Variants in ABCC9 observed in about 807,000 individuals in gnomAD.
The protein encoded by ABCC9 is ATP-binding cassette sub-family C member 9.
ABCC9 carries 95 observed loss-of-function variants against 188.3 expected under a neutral mutation model. That is an observed-to-expected ratio of 0.50 (90% CI 0.43 to 0.60). The LOEUF is 0.60. Ranked by LOEUF, ABCC9 falls within the 20% of genes least tolerant of loss-of-function variation. The pLI is 0.00. For missense variants in ABCC9, 1,102 were observed against 1,876.3 expected, an observed-to-expected ratio of 0.59 and a Z score of 7.62; for synonymous variants, 659 against 652.7, an observed-to-expected ratio of 1.01 and a Z score of -0.15.
At chr12:21,871,170 C>G (rs1946053266) in intron 18 of ABCC9, among the ~76,000 whole-genome samples, 1 of 152,208 alleles carries the variant, frequency 6.6e-6, no homozygotes, top group African/African-American at 2.4e-5. Context: ...GTAATTAAAT[C>G]CAGTGGGATC....
chr12:21,859,541 G>T (rs1200153469), intron 22 of ABCC9, 45 bp downstream of exon 22: 1 of 1,564,718 alleles, frequency 6.4e-7, no homozygotes. Context: ...CATTTGTCCA[G>T]ATGGAAGAAT....
At chr12:21,836,519 G>C (rs1245647968) in intron 30 of ABCC9, among the ~76,000 whole-genome samples, 1 of 152,084 alleles carries the variant, frequency 6.6e-6, no homozygotes, top group East Asian at 1.9e-4. Context: ...CTCATTCAAA[G>C]ATTTGTTATT....
Position 21,937,846 on chromosome 12 carries a change from G to A in ABCC9, c.-20-1152C>T, listed in dbSNP as rs117917449. Among the ~76,000 whole-genome samples the A allele has an allele frequency of 8.4e-3, 1,275 of 152,082 alleles. 5 individuals are homozygous for A. Among genetic ancestry groups the A allele is most frequent in the Middle Eastern group, 0.017 (5 of 294 alleles). The stretch of plus-strand genomic sequence containing the variant: ...GACTTATAAACTATTTCTTTCCACC[G>A]TATTACACAACCTCCAACCTGCTTT... On this transcript the variant is annotated intron_variant, in intron 2 of 39. Coordinates refer to ENST00000261200, the MANE Select transcript of ABCC9 (RefSeq NM_020297.4).
chr12:21,852,955 T>C (rs995557828), intron 22 of ABCC9, among the ~76,000 whole-genome samples: 1 of 152,130 alleles, frequency 6.6e-6, no homozygotes, highest in East Asian at 1.9e-4. Flanking sequence ...TCTATAATAA[T>C]AGAGCAAAAC....
chr12:21,908,337 G>C, intron 10 of ABCC9, 126 bp from the exon 11 acceptor site: 1 of 1,195,020 alleles, frequency 8.4e-7, no homozygotes, highest in African/African-American at 1.5e-5. Context: ...GGAAGTCAAC[G>C]GTATTAGGGT....
At chr12:21,805,378 A>G (rs1941767447) in intron 39 of ABCC9, 4 of 1,502,466 alleles carry the variant, frequency 2.7e-6, no homozygotes, top group Admixed American at 1.7e-5. Context: ...TCATTAAAAA[A>G]TAGTTTTTAT....
intron 5 of ABCC9, among the ~76,000 whole-genome samples, chr12:21,919,263 T>G (rs1413701790): frequency 6.6e-6 from 1 of 152,004 alleles, no homozygotes; most frequent in Non-Finnish European, 1.5e-5. Context: ...TTGAAAAGAC[T>G]AATAAAATTG....
At chr12:21,845,976 C>A (rs982061985) in intron 25 of ABCC9, 144 bp from the exon 26 acceptor site, 1 of 688,116 alleles carries the variant, frequency 1.5e-6, no homozygotes. Flanking sequence ...TTTAGTAGGG[C>A]AAACCTTATT....
In ABCC9 at chr12:21,818,236, A is replaced by G; in HGVS notation, c.3685T>C (p.Cys1229Arg). Residue 1229 changes from cysteine to arginine, a missense_variant, in exon 32 of 40, where the codon TGC becomes CGC. Physicochemically the swap from Cys to Arg is radical, Grantham distance 180. Around this residue, in one of 12 missense-constraint regions of ABCC9, gnomAD observed 143 missense variants for 225.6 expected, o/e 0.63. Coordinates refer to ENST00000261200, the MANE Select transcript of ABCC9 (RefSeq NM_020297.4). ...GCTATAGATGCAGTGAGGACAATGC[A>G]AGCTCCCAGATAATCCTTTGAAAAA... ...LEVRTDYLGA[C>R]IVLTASIASI... 16 of 1,613,800 alleles carry G rather than the reference A, an allele frequency of 9.9e-6. No homozygotes were observed. The highest frequency in any genetic ancestry group is 1.4e-5 in the Non-Finnish European group (16 of 1,179,746).
chr12:21,925,905 C>T (rs1592250896), intron 5 of ABCC9, 37 bp downstream of exon 5: 1 of 1,591,380 alleles, frequency 6.3e-7, no homozygotes, highest in East Asian at 2.2e-5. Flanking sequence ...AAACAAATAT[C>T]TCTTTAAGGA....
intron 12 of ABCC9, among the ~76,000 whole-genome samples, chr12:21,899,315 G>T (rs529864377): frequency 6.6e-6 from 1 of 152,260 alleles, no homozygotes; most frequent in African/African-American, 2.4e-5. Flanking sequence ...ACATAAGAAT[G>T]CTATGATTTC....
At chr12:21,904,993 A>G (rs1284517824) in intron 12 of ABCC9, among the ~76,000 whole-genome samples, 3 of 152,214 alleles carry the variant, frequency 2.0e-5, no homozygotes, top group Non-Finnish European at 4.4e-5. Flanking sequence ...TGTTTATTGC[A>G]GCACTATTCA....
At chr12:21,886,108 C>T (rs1480381357) in intron 15 of ABCC9, among the ~76,000 whole-genome samples, 1 of 152,110 alleles carries the variant, frequency 6.6e-6, no homozygotes, top group Non-Finnish European at 1.5e-5. Context: ...ATTTTTTAGA[C>T]ACTTCCTTCA....
intron 29 of ABCC9, among the ~76,000 whole-genome samples, chr12:21,840,313 T>G (rs1944316768): frequency 6.6e-6 from 1 of 152,206 alleles, no homozygotes; most frequent in Admixed American, 6.5e-5. Context: ...GATCCTTGTT[T>G]GTGAGGTTTA....
intron 12 of ABCC9, among the ~76,000 whole-genome samples, chr12:21,899,457 G>A (rs923083141): frequency 2.6e-5 from 4 of 152,158 alleles, no homozygotes; most frequent in African/African-American, 9.6e-5. Flanking sequence ...TTGTTGGACA[G>A]TGGGTGCAGG....
intron 5 of ABCC9, chr12:21,925,275 G>A (rs999403577): frequency 4.1e-6 from 2 of 490,512 alleles, no homozygotes; most frequent in African/African-American, 3.9e-5. Context: ...ATATAATTTT[G>A]ACCCAAGGCA....
chr12:21,823,752 T>C (rs1002016371), intron 31 of ABCC9, among the ~76,000 whole-genome samples: 9 of 152,208 alleles, frequency 5.9e-5, no homozygotes, highest in Admixed American at 2.0e-4. Context: ...GAAAAGACTG[T>C]GCTGAACGAG....
intron 14 of ABCC9, among the ~76,000 whole-genome samples, chr12:21,893,035 GT>G (rs1416749870): frequency 2.6e-5 from 4 of 151,978 alleles, no homozygotes; most frequent in Non-Finnish European, 5.9e-5. Context: ...GCATTCTGAG[GT>G]TTTATAGGTT....
At chr12:21,916,283 C>T (rs1414021758) in intron 6 of ABCC9, among the ~76,000 whole-genome samples, 3 of 152,130 alleles carry the variant, frequency 2.0e-5, no homozygotes, top group Non-Finnish European at 4.4e-5. Flanking sequence ...GTCTCTTGAT[C>T]TATGGTTTCC....
Sources: allele counts gnomAD v4.1 joint callset (sites outside exome capture counted in the v4.1 genomes callset), GRCh38; gene constraint gnomAD v4.1.1; regional missense constraint gnomAD v4.1.1; transcripts MANE v1.5; gene names NCBI Gene and HGNC (gene_info 2026-07-23, HGNC 2026-07-21).